The following HIPK2 variants were observed in gnomAD, a reference collection of about 807,000 sequenced individuals.
HIPK2 encodes homeodomain interacting protein kinase 2, also known as homeodomain-interacting protein kinase 2.
In HIPK2, 27 loss-of-function variants were observed where a neutral mutation model predicts 113.7. The observed-to-expected ratio is 0.24, with a 90% CI of 0.17 to 0.33. The LOEUF is 0.33. HIPK2 is among the 10% of genes least tolerant of loss of function. HIPK2 has a pLI of 1.00. For missense variants in HIPK2, 1,257 were observed against 1,588.0 expected (o/e 0.79, Z 3.54); for synonymous variants, 631 against 642.2 (o/e 0.98, Z 0.26).
intron 2 of HIPK2, among the ~76,000 whole-genome samples, chr7:139,712,844 G>C (rs1262765985): frequency 6.6e-6 from 1 of 152,254 alleles, no homozygotes; most frequent in Non-Finnish European, 1.5e-5. Context: ...CGATCTATAT[G>C]GTGGCAAACC....
intron 2 of HIPK2, among the ~76,000 whole-genome samples, chr7:139,685,448 C>G (rs1378601402): frequency 1.3e-5 from 2 of 152,208 alleles, no homozygotes; most frequent in African/African-American, 4.8e-5. Flanking sequence ...CAGGTATGAG[C>G]CACCACACCC....
chr7:139,740,874 C>T (rs116175046), intron 1 of HIPK2, among the ~76,000 whole-genome samples: 9 of 152,266 alleles, frequency 5.9e-5, no homozygotes, highest in Admixed American at 1.3e-4. Context: ...CGGCCAGGCG[C>T]GGTGGCTCAT....
chr7:139,664,544 A>C (rs1801979393), intron 2 of HIPK2, among the ~76,000 whole-genome samples: 1 of 152,128 alleles, frequency 6.6e-6, no homozygotes, highest in East Asian at 1.9e-4. Flanking sequence ...CAAAAAAAAA[A>C]AGTAGCTTGA....
intron 6 of HIPK2, among the ~76,000 whole-genome samples, chr7:139,626,163 C>A (rs1254518867): frequency 2.7e-5 from 4 of 150,382 alleles, no homozygotes; most frequent in Non-Finnish European, 4.4e-5. Context: ...AGTGCAATGG[C>A]GCGATCTCGG....
chr7:139,604,193 G>T lies in HIPK2; in HGVS notation c.2143C>A (p.Leu715Met). The T allele has an allele frequency of 8.1e-6, 13 of 1,613,452 alleles. No homozygotes were observed. Among genetic ancestry groups the T allele is most frequent in the Non-Finnish European group, 1.1e-5 (13 of 1,179,544 alleles). The change falls in exon 10 of 15, where the codon CTG (leucine) becomes ATG (methionine). Residue 715 changes from leucine to methionine, a missense_variant. Around this residue, in one of 5 missense-constraint regions of HIPK2, gnomAD observed 862 missense variants for 1,004.3 expected, o/e 0.86. Coordinates refer to ENST00000406875, the MANE Select transcript of HIPK2 (RefSeq NM_022740.5). ...AGTTGCTGCCATGCTGGGGGAAGCAGGATCTGCTGGGTCCCACTTGGCCAA... is the reference window on the plus strand; with the variant it reads ...AGTTGCTGCCATGCTGGGGGAAGCATGATCTGCTGGGTCCCACTTGGCCAA... ...QAWPSGTQQI[L>M]LPPAWQQLTG... is the part of the protein sequence containing the mutation.
chr7:139,634,486 C>T (rs1222864511), intron 2 of HIPK2, among the ~76,000 whole-genome samples: 2 of 152,044 alleles, frequency 1.3e-5, no homozygotes, highest in African/African-American at 2.4e-5. Context: ...CATGTGACCA[C>T]GAGCCCACCA....
At chr7:139,632,407 C>T (rs1026635487) in intron 2 of HIPK2, among the ~76,000 whole-genome samples, 2 of 152,220 alleles carry the variant, frequency 1.3e-5, no homozygotes, top group African/African-American at 4.8e-5. Flanking sequence ...GCCAATTATC[C>T]TTTCTTAAGA....
chr7:139,631,162 T>C lies in HIPK2; in HGVS notation c.1347+3A>G. On this transcript the variant is annotated splice_donor_region_variant and intron_variant, in intron 4 of 14. Transcript: ENST00000406875. This position sits in a 1 kb window ranked among gnomAD's most constrained non-coding sequence, Gnocchi z 4.9. ...TGAGGAGTGGAGGAGACGCTCTTCC[T>C]ACCTTCAGTCTCCACAAAGGATATG... 6.2e-7 allele frequency: 1 copy of C among 1,610,764 alleles called. No homozygotes were observed.
chr7:139,725,123 C>G (rs374879135), intron 1 of HIPK2, among the ~76,000 whole-genome samples: 18 of 152,160 alleles, frequency 1.2e-4, no homozygotes, highest in Admixed American at 3.9e-4. Flanking sequence ...TCTAAGACAT[C>G]GTCACCGACC....
chr7:139,604,183 G>A lies in HIPK2; in HGVS notation c.2153C>T (p.Pro718Leu). Residue 718 changes from proline to leucine, a missense_variant, in exon 10 of 15, where the codon CCA becomes CTA. Pro to Leu is a moderately conservative substitution (Grantham distance 98). This residue lies in a region of HIPK2 where 862 missense variants were observed against 1,004.3 expected (regional missense o/e 0.86). Coordinates refer to ENST00000406875, the MANE Select transcript of HIPK2 (RefSeq NM_022740.5). ...CACTCCAGTCAGTTGCTGCCATGCT[G>A]GGGGAAGCAGGATCTGCTGGGTCCC... Reference protein sequence around the residue: ...PSGTQQILLPPAWQQLTGVAT... With the variant: ...PSGTQQILLPLAWQQLTGVAT... The A allele has an allele frequency of 1.2e-6, 2 of 1,613,690 alleles. No homozygotes were observed. Among genetic ancestry groups the A allele is most frequent in the Non-Finnish European group, 1.7e-6 (2 of 1,179,712 alleles).
In HIPK2 at chr7:139,682,513, C is replaced by G. The variant is rs114805256; in HGVS notation, c.1103+33419G>C. ...TCTTACGGGAAGCTTTCCCTCATCC[C>G]TCCCGCTGCGTGCCTGTGCCCTCCT... On this transcript the variant is annotated intron_variant, in intron 2 of 14. Coordinates refer to ENST00000406875, the MANE Select transcript of HIPK2 (RefSeq NM_022740.5). 5.9e-3 allele frequency among the ~76,000 whole-genome samples: 895 copies of G among 152,300 alleles called. 10 individuals are homozygous for G. Among genetic ancestry groups the G allele is most frequent in the African/African-American group, 0.021 (861 of 41,562 alleles).
chr7:139,645,186 G>C (rs1801164438), intron 2 of HIPK2, among the ~76,000 whole-genome samples: 1 of 152,160 alleles, frequency 6.6e-6, no homozygotes, highest in African/African-American at 2.4e-5. Flanking sequence ...CATAGACAAG[G>C]CTCATCTTTG....
intron 2 of HIPK2, among the ~76,000 whole-genome samples, chr7:139,676,979 A>C (rs1802522755): frequency 6.6e-6 from 1 of 150,902 alleles, no homozygotes; most frequent in South Asian, 2.1e-4. Context: ...CTACTGCTTC[A>C]GCCTCCCGAG....
rs556890385 is a variant in HIPK2, at chr7:139,571,121, C to T, written c.*1806G>A. On this transcript the variant is annotated 3_prime_UTR_variant, in exon 15 of 15. Coordinates refer to ENST00000406875, the MANE Select transcript of HIPK2 (RefSeq NM_022740.5). ...CCCTCCAACCTTCTGCCCACTAGAA[C>T]CCTCAGAAACCAAAACCAAAATCAT... The T allele has an allele frequency of 6.6e-6, 1 of 152,442 alleles. No homozygotes were observed. The highest frequency in any genetic ancestry group is 2.1e-4 in the South Asian group (1 of 4,830). 9.4% of individuals were successfully genotyped at this position (152,442 alleles called of 1,614,324 possible).
intron 2 of HIPK2, among the ~76,000 whole-genome samples, chr7:139,715,079 A>C (rs193288784): frequency 6.6e-6 from 1 of 152,156 alleles, no homozygotes; most frequent in South Asian, 2.1e-4. Context: ...CAGCGGTTCC[A>C]ATCCTGACTG....
At chr7:139,620,919 G>A (rs982956379) in intron 6 of HIPK2, among the ~76,000 whole-genome samples, 6 of 152,140 alleles carry the variant, frequency 3.9e-5, no homozygotes, top group Non-Finnish European at 8.8e-5. Context: ...ACAAACCAAT[G>A]TATAAGCTCT....
intron 2 of HIPK2, among the ~76,000 whole-genome samples, chr7:139,649,413 A>T (rs748966900): frequency 6.6e-6 from 1 of 152,202 alleles, no homozygotes; most frequent in Non-Finnish European, 1.5e-5. Flanking sequence ...ACTAGTTACC[A>T]GTAGGGATTT....
intron 2 of HIPK2, among the ~76,000 whole-genome samples, chr7:139,653,669 T>A (rs1179551346): frequency 6.6e-6 from 1 of 152,042 alleles, no homozygotes; most frequent in Non-Finnish European, 1.5e-5. Context: ...TTTCCACTTG[T>A]ACAATGTTTT....
At chr7:139,664,044 G>C (rs1402488118) in intron 2 of HIPK2, among the ~76,000 whole-genome samples, 2 of 152,186 alleles carry the variant, frequency 1.3e-5, no homozygotes, top group Non-Finnish European at 2.9e-5. Context: ...CCGAGTCCCT[G>C]ACGACCCTCC....
Sources: allele counts gnomAD v4.1 joint callset (sites outside exome capture counted in the v4.1 genomes callset), GRCh38; gene constraint gnomAD v4.1.1; regional missense constraint gnomAD v4.1.1; non-coding constraint Gnocchi (gnomAD v3.1); transcripts MANE v1.5; gene names NCBI Gene and HGNC (gene_info 2026-07-23, HGNC 2026-07-21).